CACNA2D2: variants seen among roughly 807,000 people sequenced by gnomAD.
CACNA2D2 encodes the protein voltage-dependent calcium channel subunit alpha-2/delta-2.
In CACNA2D2, 48 loss-of-function variants were observed where a neutral mutation model predicts 166.4. The ratio of observed to expected loss-of-function variants is 0.29; its 90% CI spans 0.23 to 0.37. CACNA2D2 has a LOEUF of 0.37. Among genes scored for constraint, CACNA2D2 ranks in the 10% least tolerant of loss-of-function variants. CACNA2D2 has a pLI of 1.00. For missense variants in CACNA2D2, 1,122 were observed against 1,433.0 expected (o/e 0.78, Z 3.50); for synonymous variants, 561 against 573.7 (o/e 0.98, Z 0.32).
At chr3:50,463,429 G>A (rs1002927781) in intron 2 of CACNA2D2, among the ~76,000 whole-genome samples, 3 of 152,184 alleles carry the variant, frequency 2.0e-5, no homozygotes, top group African/African-American at 7.2e-5. Flanking sequence ...CTCCCCAGTG[G>A]CTGGGACCAC....
intron 22 of CACNA2D2, among the ~76,000 whole-genome samples, chr3:50,373,784 G>A (rs1296844301): frequency 1.4e-4 from 18 of 132,740 alleles, no homozygotes; most frequent in African/African-American, 5.0e-4. Context: ...GGATGCAGAG[G>A]GGAGAGAGGT....
intron 1 of CACNA2D2, among the ~76,000 whole-genome samples, chr3:50,500,586 G>A (rs1698921227): frequency 6.6e-6 from 1 of 152,108 alleles, no homozygotes; most frequent in East Asian, 1.9e-4. Context: ...TGCTGGGGAG[G>A]GCATAACTGG....
chr3:50,433,793 G>A (rs957953363), intron 3 of CACNA2D2, among the ~76,000 whole-genome samples: 1 of 152,148 alleles, frequency 6.6e-6, no homozygotes, highest in Non-Finnish European at 1.5e-5. Context: ...TCTGAATATA[G>A]AGGCCCAGAT....
intron 1 of CACNA2D2, among the ~76,000 whole-genome samples, chr3:50,500,747 A>ACC (rs1241541500): frequency 1.6e-5 from 1 of 62,780 alleles, no homozygotes; most frequent in South Asian, 6.8e-4. Flanking sequence ...AGACAGCCCA[A>ACC]CCCCCCCACC....
At chr3:50,474,501 C>T (rs1559984595) in intron 2 of CACNA2D2, among the ~76,000 whole-genome samples, 1 of 152,144 alleles carries the variant, frequency 6.6e-6, no homozygotes. Context: ...GCTCACTGGT[C>T]CAGACAGACC....
intron 3 of CACNA2D2, among the ~76,000 whole-genome samples, chr3:50,403,017 G>A (rs558765457): frequency 6.6e-5 from 10 of 152,210 alleles, no homozygotes; most frequent in Non-Finnish European, 1.2e-4. Context: ...GGGGGTGGTC[G>A]TTGAGTGTGA....
rs377627139 is a variant in CACNA2D2 at position 50,366,560 on chromosome 3, G to A, written c.2637+18C>T. The A allele has an allele frequency of 8.1e-6, 13 of 1,613,440 alleles. No homozygotes were observed. In the African/African-American group the frequency reaches 1.5e-4, roughly 18 times the overall value. On this transcript the variant is annotated intron_variant, in intron 30 of 37. Transcript: ENST00000424201. This position sits in a 1 kb window ranked among gnomAD's most constrained non-coding sequence, Gnocchi z 5.9. ...GTGGGGTAAGCTAGGGTCCAGGGTA[G>A]GTTCAGGGCACACACACCTCATTGT... is the stretch of plus-strand genomic sequence containing the variant.
chr3:50,467,919 C>T (rs1439248090), intron 2 of CACNA2D2, among the ~76,000 whole-genome samples: 3 of 152,250 alleles, frequency 2.0e-5, no homozygotes, highest in Non-Finnish European at 2.9e-5. Context: ...GAGCCTCCAT[C>T]TCCTGTCTGG....
At chr3:50,384,092 A>G (rs1325586116) in intron 6 of CACNA2D2, 104 bp downstream of exon 6, 1 of 1,406,106 alleles carries the variant, frequency 7.1e-7, no homozygotes, top group East Asian at 2.3e-5. Flanking sequence ...GGCTGGAGGT[A>G]GATGGCACTG....
chr3:50,371,795 GC>G (rs1182105321), intron 22 of CACNA2D2, among the ~76,000 whole-genome samples: 2 of 152,044 alleles, frequency 1.3e-5, no homozygotes, highest in African/African-American at 4.8e-5. Flanking sequence ...AAAAAGGAGG[GC>G]GAAGGAGCAG....
At chr3:50,428,284 CAGCAGTGCCGAGGCTG>C (rs1707895587) in intron 3 of CACNA2D2, among the ~76,000 whole-genome samples, 1 of 152,172 alleles carries the variant, frequency 6.6e-6, no homozygotes, top group African/African-American at 2.4e-5. Flanking sequence ...CTCAAGATGT[CAGCAGTGCCGAGGCTG>C]ACGCCCTGCT....
rs1276295391 is a variant in CACNA2D2, at chr3:50,365,821, A to G, written c.2904T>C (p.Ser968=). 5 of 1,613,504 alleles carry G rather than the reference A, an allele frequency of 3.1e-6. No homozygotes were observed. The change falls in exon 33 of 38, where the codon TCT becomes TCC. Residue 968 remains serine, a synonymous_variant. Transcript: ENST00000424201. The surrounding 1 kb of genome is among the most constrained non-coding windows in gnomAD (Gnocchi z 4.5). ...CGCTCAGGACTCACCAGGCGGCAGCAGAGGTCCACCAGGCCAGGTTAAGGA... is the reference window on the plus strand; with the variant it reads ...CGCTCAGGACTCACCAGGCGGCAGCGGAGGTCCACCAGGCCAGGTTAAGGA... The part of the protein sequence containing the change: ...ADFLNLAWWT[S]AAAWSLFQQL...
intron 2 of CACNA2D2, among the ~76,000 whole-genome samples, chr3:50,435,690 C>T (rs1192383103): frequency 1.3e-5 from 2 of 152,028 alleles, no homozygotes; most frequent in African/African-American, 2.4e-5. Context: ...TCTGCTGCTA[C>T]CCAGTGCCTG....
In CACNA2D2 at chr3:50,367,302, G is replaced by A; in HGVS notation, c.2401+92C>T. 1 of 1,229,196 alleles carries A rather than the reference G, an allele frequency of 8.1e-7. No individual in the cohort carries two copies. The highest frequency in any genetic ancestry group is 1.2e-6 in the Non-Finnish European group (1 of 844,242). The allele number at this position is 1,229,196 out of a possible 1,614,324, so 76.1% of individuals were successfully genotyped here. A position where few individuals can be genotyped will look rare whatever the true frequency, so the allele number is the denominator to read the frequency against. On this transcript the variant is annotated intron_variant, in intron 27 of 37. Coordinates refer to ENST00000424201, the MANE Select transcript of CACNA2D2 (RefSeq NM_006030.4). This position sits in a 1 kb window ranked among gnomAD's most constrained non-coding sequence, Gnocchi z 6.5. ...GCCTCAGCCAGCCTTGTGTTGGAGA[G>A]GGGCCTCAGACAGCAGAGCCCAGTT...
chr3:50,429,592 C>CA (rs1160685582), intron 3 of CACNA2D2, among the ~76,000 whole-genome samples: 890 of 52,616 alleles, frequency 0.017, 36 homozygotes, highest in South Asian at 0.029. Context: ...ACTAAAAATA[C>CA]AAAAAAAAAA....
intron 1 of CACNA2D2, among the ~76,000 whole-genome samples, chr3:50,492,533 T>C (rs1317336319): frequency 6.6e-6 from 1 of 152,156 alleles, no homozygotes; most frequent in Admixed American, 6.5e-5. Context: ...GGTTTCCCCA[T>C]CTGTACCACA....
intron 1 of CACNA2D2, among the ~76,000 whole-genome samples, chr3:50,479,055 AATC>A (rs1388731699): frequency 2.0e-5 from 3 of 152,310 alleles, no homozygotes; most frequent in African/African-American, 7.2e-5. Flanking sequence ...ACATTATTAT[AATC>A]ATCATCATTT....
At chr3:50,423,311 G>A (rs374637773) in intron 3 of CACNA2D2, among the ~76,000 whole-genome samples, 43 of 152,232 alleles carry the variant, frequency 2.8e-4, no homozygotes, top group African/African-American at 1.0e-3. Flanking sequence ...TGATGACTGG[G>A]GACACAGGGG....
intron 14 of CACNA2D2, 42 bp downstream of exon 14, chr3:50,378,242 G>A: frequency 6.4e-7 from 1 of 1,554,772 alleles, no homozygotes; most frequent in Non-Finnish European, 8.7e-7. Flanking sequence ...CGTCCCTGCA[G>A]GGAAGCCAGG....
Sources: allele counts gnomAD v4.1 joint callset (sites outside exome capture counted in the v4.1 genomes callset), GRCh38; gene constraint gnomAD v4.1.1; non-coding constraint Gnocchi (gnomAD v3.1); transcripts MANE v1.5; gene names NCBI Gene and HGNC (gene_info 2026-07-23, HGNC 2026-07-21).